The following IMMP2L variants were observed in gnomAD, a reference collection of about 807,000 sequenced individuals.
IMMP2L encodes the protein mitochondrial inner membrane protease subunit 2.
A neutral mutation model predicts 19.3 loss-of-function variants in IMMP2L; 18 were observed. That is an observed-to-expected ratio of 0.93 (90% CI 0.64 to 1.38). The LOEUF (loss-of-function observed/expected upper bound fraction) is 1.38, where lower values mean the gene tolerates loss of function less well. Ranked by LOEUF, IMMP2L falls within the 40% of genes most tolerant of loss-of-function variation. IMMP2L has a pLI of 0.00. For missense variants in IMMP2L, 233 were observed against 218.2 expected (o/e 1.07, Z -0.43); for synonymous variants, 76 against 73.0 (o/e 1.04, Z -0.21).
chr7:111,488,022 C>A (rs1344443604), intron 2 of IMMP2L, among the ~76,000 whole-genome samples: 5 of 152,092 alleles, frequency 3.3e-5, no homozygotes, highest in Admixed American at 3.3e-4. Flanking sequence ...AGGTCAGGAA[C>A]CATACAGGCA....
At chr7:110,980,431 T>C (rs1821174832) in intron 3 of IMMP2L, among the ~76,000 whole-genome samples, 1 of 151,806 alleles carries the variant, frequency 6.6e-6, no homozygotes, top group Non-Finnish European at 1.5e-5. Flanking sequence ...GGTTTCACCG[T>C]GGTCTCGATC....
At chr7:110,960,188 T>C (rs1818788184) in intron 4 of IMMP2L, among the ~76,000 whole-genome samples, 1 of 151,958 alleles carries the variant, frequency 6.6e-6, no homozygotes, top group Non-Finnish European at 1.5e-5. Flanking sequence ...TAAAAATAGC[T>C]TTATTAAGAT....
At chr7:111,048,838 G>A (rs1399956031) in intron 3 of IMMP2L, among the ~76,000 whole-genome samples, 1 of 151,996 alleles carries the variant, frequency 6.6e-6, no homozygotes, top group Non-Finnish European at 1.5e-5. Context: ...TCTATCTTCT[G>A]CAAAGATAGA....
chr7:110,722,676 G>A (rs1349529900), intron 5 of IMMP2L, among the ~76,000 whole-genome samples: 1 of 152,048 alleles, frequency 6.6e-6, no homozygotes, highest in Non-Finnish European at 1.5e-5. Flanking sequence ...GTTATTACGA[G>A]TTTAAATGAC....
At chr7:111,207,978 T>A (rs1810902946) in intron 3 of IMMP2L, among the ~76,000 whole-genome samples, 1 of 152,158 alleles carries the variant, frequency 6.6e-6, no homozygotes, top group Admixed American at 6.5e-5. Flanking sequence ...ATATTGCCCA[T>A]CATTTCACAC....
chr7:110,699,726 C>T (rs1230481151), intron 5 of IMMP2L, among the ~76,000 whole-genome samples: 1 of 149,848 alleles, frequency 6.7e-6, no homozygotes, highest in Non-Finnish European at 1.5e-5. Flanking sequence ...TGAGATTGCA[C>T]CACTGCACTT....
intron 3 of IMMP2L, among the ~76,000 whole-genome samples, chr7:111,147,610 G>C: frequency 6.6e-6 from 1 of 152,086 alleles, no homozygotes; most frequent in South Asian, 2.1e-4. Flanking sequence ...CCACCATGGA[G>C]ATTCAGACTC....
chr7:110,990,021 C>T (rs138751543), intron 3 of IMMP2L, among the ~76,000 whole-genome samples: 5,275 of 152,082 alleles, frequency 0.035, 126 homozygotes, highest in South Asian at 0.078. Context: ...GAGATTTGCT[C>T]AATAAAAGCC....
At chr7:110,793,519 A>C (rs1800623379) in intron 5 of IMMP2L, among the ~76,000 whole-genome samples, 1 of 152,158 alleles carries the variant, frequency 6.6e-6, no homozygotes, top group Non-Finnish European at 1.5e-5. Flanking sequence ...TGAAATAAAA[A>C]TAATAAAAAT....
chr7:111,297,495 A>C (rs1821757163), intron 3 of IMMP2L, among the ~76,000 whole-genome samples: 1 of 152,158 alleles, frequency 6.6e-6, no homozygotes, highest in South Asian at 2.1e-4. Flanking sequence ...TTTATAAAAC[A>C]TTTTGGCAGT....
intron 4 of IMMP2L, among the ~76,000 whole-genome samples, chr7:110,901,312 A>G (rs950502060): frequency 5.3e-5 from 8 of 152,146 alleles, no homozygotes; most frequent in African/African-American, 1.7e-4. Flanking sequence ...CAATAAATAT[A>G]TACTGACTAA....
At chr7:110,959,024 A>T (rs1818657188) in intron 4 of IMMP2L, among the ~76,000 whole-genome samples, 1 of 151,934 alleles carries the variant, frequency 6.6e-6, no homozygotes, top group African/African-American at 2.4e-5. Context: ...ATTTCACTAC[A>T]TATCTGCTTT....
chr7:111,525,945 T>C (rs932999489), intron 1 of IMMP2L, among the ~76,000 whole-genome samples: 1 of 152,066 alleles, frequency 6.6e-6, no homozygotes, highest in Non-Finnish European at 1.5e-5. Context: ...AGGCTGTCTA[T>C]TCATCAGAAA....
chr7:110,850,257 G>A (rs571501942), intron 5 of IMMP2L, among the ~76,000 whole-genome samples: 10 of 152,150 alleles, frequency 6.6e-5, no homozygotes, highest in African/African-American at 1.4e-4. Context: ...AGGAACCAGC[G>A]ATCCCTAGCT....
At chr7:111,548,413 G>A (rs1405293876) in intron 1 of IMMP2L, among the ~76,000 whole-genome samples, 1 of 152,082 alleles carries the variant, frequency 6.6e-6, no homozygotes, top group Non-Finnish European at 1.5e-5. Flanking sequence ...TACTTTAGGG[G>A]TTAGTGGTTT....
At chr7:110,861,447 T>G (rs1335826872) in intron 5 of IMMP2L, among the ~76,000 whole-genome samples, 1 of 151,874 alleles carries the variant, frequency 6.6e-6, no homozygotes, top group African/African-American at 2.4e-5. Context: ...TTATGTTTTT[T>G]GTAGAGATGA....
At chr7:110,755,687 G>A (rs1411350484) in intron 5 of IMMP2L, among the ~76,000 whole-genome samples, 1 of 152,110 alleles carries the variant, frequency 6.6e-6, no homozygotes, top group Non-Finnish European at 1.5e-5. Context: ...GTTGTTAAAA[G>A]GTGTAGCGGA....
intron 4 of IMMP2L, among the ~76,000 whole-genome samples, chr7:110,906,099 A>C (rs1489867837): frequency 6.6e-6 from 1 of 152,220 alleles, no homozygotes; most frequent in Non-Finnish European, 1.5e-5. Flanking sequence ...TTTCACAGTT[A>C]TCTCACCACA....
chr7:111,376,030 A>G (rs117739559), intron 3 of IMMP2L, among the ~76,000 whole-genome samples: 1,808 of 152,244 alleles, frequency 0.012, 11 homozygotes, highest in South Asian at 0.033. Flanking sequence ...CCTGGATTCA[A>G]ATCCTACACA....
Sources: allele counts gnomAD v4.1 joint callset (sites outside exome capture counted in the v4.1 genomes callset), GRCh38; gene constraint gnomAD v4.1.1; transcripts MANE v1.5; gene names NCBI Gene and HGNC (gene_info 2026-07-23, HGNC 2026-07-21).